Variants in RPS6KC1 observed in about 807,000 individuals in gnomAD.
RPS6KC1 encodes the protein inactive ribosomal protein S6 kinase delta-1.
In RPS6KC1, 54 loss-of-function variants were observed where a neutral mutation model predicts 103.8. The observed-to-expected ratio is 0.52, with a 90% CI of 0.42 to 0.65. The LOEUF is 0.65. Ranked by LOEUF, RPS6KC1 falls within the 30% of genes least tolerant of loss-of-function variation. The pLI is 0.00. For synonymous variants in RPS6KC1, 439 were observed against 438.7 expected (o/e 1.00, Z -0.01); for missense variants, 1,151 against 1,253.8 (o/e 0.92, Z 1.24).
At chr1:213,625,831 G>T in the RPS6KC1 span, among the ~76,000 whole-genome samples, 218 of 152,204 alleles carry the variant, frequency 1.4e-3, no homozygotes, top group African/African-American at 4.8e-3. Flanking sequence ...GTCTATCGTT[G>T]TTGGACATTT....
At chr1:213,329,263 A>G in the RPS6KC1 span, among the ~76,000 whole-genome samples, 1 of 152,044 alleles carries the variant, frequency 6.6e-6, no homozygotes, top group Admixed American at 6.6e-5. Context: ...CCCATTTCCA[A>G]CTGCAGGGGA....
At chr1:213,343,820 A>G in the RPS6KC1 span, among the ~76,000 whole-genome samples, 720 of 152,284 alleles carry the variant, frequency 4.7e-3, 8 homozygotes, top group African/African-American at 0.016. Flanking sequence ...AAAAAAATAA[A>G]AAAGTTTTTT....
At chr1:213,081,266 A>T (rs2079852968) in intron 3 of RPS6KC1, among the ~76,000 whole-genome samples, 1 of 152,166 alleles carries the variant, frequency 6.6e-6, no homozygotes, top group Non-Finnish European at 1.5e-5. Context: ...TGGGGCCTCC[A>T]TCTGCATCTA....
the RPS6KC1 span, among the ~76,000 whole-genome samples, chr1:213,860,827 G>A: frequency 1.4e-5 from 2 of 139,466 alleles, no homozygotes; most frequent in African/African-American, 5.9e-5. Context: ...TTTTTTTTTT[G>A]ACACAGGGTC....
At chr1:213,514,382 C>T in the RPS6KC1 span, among the ~76,000 whole-genome samples, 1 of 113,384 alleles carries the variant, frequency 8.8e-6, no homozygotes, top group African/African-American at 3.3e-5. Context: ...CCTCCCCCCT[C>T]CCCCCACCCC....
At chr1:213,541,496 CCCCATGGTG>C in the RPS6KC1 span, among the ~76,000 whole-genome samples, 2 of 151,928 alleles carry the variant, frequency 1.3e-5, no homozygotes, top group Non-Finnish European at 2.9e-5. Context: ...ACAACAAAAA[CCCCATGGTG>C]TCTGCAAAGC....
the RPS6KC1 span, among the ~76,000 whole-genome samples, chr1:213,363,784 T>C: frequency 9.3e-6 from 1 of 107,288 alleles, no homozygotes; most frequent in Non-Finnish European, 1.8e-5. Flanking sequence ...CTTTCTTTCT[T>C]TCTTTCTTTC....
In RPS6KC1 at chr1:213,129,749, C is replaced by A; in HGVS notation, c.695C>A (p.Pro232Gln). Residue 232 changes from proline to glutamine, a missense_variant, in exon 6 of 15, where the codon CCG (proline) becomes CAG (glutamine). By Grantham distance (76) the Pro-to-Gln change is moderately conservative (BLOSUM62 -1). Transcript: ENST00000366960. ...AGCCTCTTTCCTGGCAGTTTAAAGC[C>A]GAAGCTTGGCAAGAGAGATTATTTG... ...SRSLFPGSLK[P>Q]KLGKRDYLEK... 1 of 1,613,896 alleles carries A rather than the reference C, an allele frequency of 6.2e-7. No homozygotes were observed. The highest frequency in any genetic ancestry group is 8.5e-7 in the Non-Finnish European group (1 of 1,179,948).
chr1:213,545,436 AGAGAG>A, the RPS6KC1 span, among the ~76,000 whole-genome samples: 2 of 86,668 alleles, frequency 2.3e-5, no homozygotes, highest in African/African-American at 3.2e-5. Context: ...AAAATAAAAG[AGAGAG>A]AGAGAGAGAG....
chr1:213,691,008 T>C, the RPS6KC1 span, among the ~76,000 whole-genome samples: 91 of 151,958 alleles, frequency 6.0e-4, no homozygotes, highest in African/African-American at 2.1e-3. Context: ...CAAGAGAGAG[T>C]GTGAGAGAAG....
the RPS6KC1 span, among the ~76,000 whole-genome samples, chr1:213,495,143 T>TGCACCACATATGTACATTTGAAACA: frequency 6.6e-6 from 1 of 152,146 alleles, no homozygotes; most frequent in Admixed American, 6.5e-5. Flanking sequence ...TTTTGAAAGA[T>TGCACCACATATGTACATTTGAAACA]TATTTAAAGA....
At chr1:213,447,927 A>G in the RPS6KC1 span, among the ~76,000 whole-genome samples, 1 of 152,088 alleles carries the variant, frequency 6.6e-6, no homozygotes, top group African/African-American at 2.4e-5. Flanking sequence ...ATGCATTTGT[A>G]TTGTATTTTT....
At chr1:213,314,007 C>T in the RPS6KC1 span, among the ~76,000 whole-genome samples, 1 of 152,072 alleles carries the variant, frequency 6.6e-6, no homozygotes, top group African/African-American at 2.4e-5. Context: ...CTGGAGGCTA[C>T]GAGTTCACAA....
chr1:213,196,589 A>G (rs1222457574), intron 8 of RPS6KC1, among the ~76,000 whole-genome samples: 1 of 152,092 alleles, frequency 6.6e-6, no homozygotes, highest in Non-Finnish European at 1.5e-5. Context: ...TTCTGATGTT[A>G]TCTTCTAGAA....
At chr1:213,065,772 T>C (rs1438056880) in intron 1 of RPS6KC1, among the ~76,000 whole-genome samples, 1 of 152,188 alleles carries the variant, frequency 6.6e-6, no homozygotes. Context: ...GGCACTAATA[T>C]GTGTTGAATG....
chr1:213,845,224 G>T, the RPS6KC1 span, among the ~76,000 whole-genome samples: 575 of 152,284 alleles, frequency 3.8e-3, 6 homozygotes, highest in African/African-American at 0.013. Context: ...TCACCCAAGT[G>T]ATTGGTTTTT....
chr1:213,641,412 G>A, the RPS6KC1 span, among the ~76,000 whole-genome samples: 1 of 152,120 alleles, frequency 6.6e-6, no homozygotes, highest in South Asian at 2.1e-4. Flanking sequence ...TTTTGTTTTA[G>A]TGGGTAAATT....
the RPS6KC1 span, among the ~76,000 whole-genome samples, chr1:213,486,576 T>C: frequency 1.3e-5 from 2 of 152,138 alleles, no homozygotes; most frequent in African/African-American, 4.8e-5. Context: ...TCTCTGTTCA[T>C]CAAGATACTA....
At chr1:213,184,782 G>A (rs1192406306) in intron 8 of RPS6KC1, among the ~76,000 whole-genome samples, 6 of 151,962 alleles carry the variant, frequency 3.9e-5, no homozygotes, top group East Asian at 1.9e-4. Flanking sequence ...TTTAATTTCC[G>A]TGTGTTTCTG....
Sources: gnomAD v4.1 joint callset for allele counts (sites outside exome capture counted in the v4.1 genomes callset) on GRCh38, gnomAD v4.1.1 for gene constraint, MANE v1.5 for transcripts, NCBI Gene and HGNC (gene_info 2026-07-23, HGNC 2026-07-21) for gene names.